Variants in LRRC72 observed in about 807,000 individuals in gnomAD.
LRRC72 encodes leucine rich repeat containing 72.
Under a neutral mutation model 35.8 loss-of-function variants are expected in LRRC72, and 41 were observed. That is an observed-to-expected ratio of 1.15 (90% CI 0.89 to 1.49). The LOEUF (loss-of-function observed/expected upper bound fraction) is 1.49. Among genes scored for constraint, LRRC72 ranks in the 40% most tolerant of loss-of-function variants. The pLI, the probability that LRRC72 is intolerant of heterozygous loss-of-function variation, is 0.00. For missense variants in LRRC72, 389 were observed against 330.7 expected, an observed-to-expected ratio of 1.18 and a Z score of -1.37; for synonymous variants, 118 against 119.2, an observed-to-expected ratio of 0.99 and a Z score of 0.07.
intron 7 of LRRC72, among the ~76,000 whole-genome samples, chr7:16,569,125 C>G (rs935566285): frequency 6.6e-6 from 1 of 152,120 alleles, no homozygotes; most frequent in African/African-American, 2.4e-5. Flanking sequence ...TGACGCTTTG[C>G]CTCTTTATTT....
chr7:16,581,338 A>G lies in LRRC72; in HGVS notation c.713A>G (p.Asp238Gly), dbSNP rs1356029909. Reference protein sequence around the residue: ...ANNVDKTVLDDPEDAVFVRSM... With the variant: ...ANNVDKTVLDGPEDAVFVRSM... ...TTTTTTTGCAGAACTGTGCTTGATG[A>G]CCCAGAAGATGCTGTTTTTGTGAGG... Residue 238 changes from aspartate to glycine, a missense_variant, in exon 9 of 9, where the codon GAC (aspartate) becomes GGC (glycine). Coordinates refer to ENST00000401542, the MANE Select transcript of LRRC72 (RefSeq NM_001195280.2). 1.3e-6 allele frequency: 2 copies of G among 1,520,184 alleles called. No homozygotes were observed. Among genetic ancestry groups the G allele is most frequent in the East Asian group, 5.0e-5 (2 of 40,086 alleles). The allele number at this position is 1,520,184 out of a possible 1,614,324, so 94.2% of individuals were successfully genotyped here.
At chr7:16,534,094 A>C (rs1309480514) in intron 2 of LRRC72, among the ~76,000 whole-genome samples, 2 of 152,228 alleles carry the variant, frequency 1.3e-5, no homozygotes, top group African/African-American at 4.8e-5. Context: ...AGCTGTGGAC[A>C]AAAACTATTT....
chr7:16,580,001 G>A (rs575178393), intron 7 of LRRC72, 73 bp from the exon 8 acceptor site: 19 of 327,370 alleles, frequency 5.8e-5, no homozygotes, highest in South Asian at 4.4e-4. Flanking sequence ...TTCCTTTATA[G>A]CATTGTTCCA....
intron 3 of LRRC72, 46 bp from the exon 4 acceptor site, chr7:16,557,314 T>C (rs938672667): frequency 1.2e-5 from 7 of 571,892 alleles, no homozygotes; most frequent in Non-Finnish European, 1.9e-5. Context: ...ATGTAATATA[T>C]ACAGTTATTA....
intron 5 of LRRC72, among the ~76,000 whole-genome samples, chr7:16,561,649 T>A (rs1782745642): frequency 6.6e-6 from 1 of 152,342 alleles, no homozygotes; most frequent in East Asian, 1.9e-4. Context: ...TTGAGAATCT[T>A]GTTGTGGGGT....
chr7:16,559,299 C>T (rs1043670611), intron 5 of LRRC72, among the ~76,000 whole-genome samples: 2 of 151,700 alleles, frequency 1.3e-5, no homozygotes, highest in African/African-American at 2.4e-5. Context: ...GAGGCTGAGG[C>T]GGGAGGATCA....
intron 3 of LRRC72, among the ~76,000 whole-genome samples, chr7:16,541,847 G>A (rs1782362755): frequency 6.6e-6 from 1 of 152,196 alleles, no homozygotes. Context: ...GGAGGTGGAG[G>A]TTGCAGTGAG....
At chr7:16,547,428 G>A (rs965432602) in intron 3 of LRRC72, among the ~76,000 whole-genome samples, 2 of 152,172 alleles carry the variant, frequency 1.3e-5, no homozygotes, top group African/African-American at 4.8e-5. Flanking sequence ...TGCAACCTGG[G>A]CACCCCTGTG....
chr7:16,559,719 C>G (rs1205069674), intron 5 of LRRC72, among the ~76,000 whole-genome samples: 1 of 151,026 alleles, frequency 6.6e-6, no homozygotes, highest in African/African-American at 2.4e-5. Flanking sequence ...GTTGTGACAG[C>G]TAGAGAGTAA....
intron 3 of LRRC72, among the ~76,000 whole-genome samples, chr7:16,556,515 TG>T (rs1200831334): frequency 1.3e-5 from 2 of 152,214 alleles, no homozygotes; most frequent in Non-Finnish European, 2.9e-5. Flanking sequence ...AGATGGTGAC[TG>T]GTTGAGCTGT....
chr7:16,560,308 G>A (rs553129084), intron 5 of LRRC72, among the ~76,000 whole-genome samples: 2 of 152,306 alleles, frequency 1.3e-5, no homozygotes, highest in South Asian at 4.1e-4. Context: ...AATGTACAGA[G>A]AGTTACTAAG....
chr7:16,559,136 G>A (rs1363432475), intron 5 of LRRC72, 137 bp downstream of exon 5: 12 of 513,118 alleles, frequency 2.3e-5, no homozygotes, highest in African/African-American at 3.9e-5. Flanking sequence ...ACTCACGCCT[G>A]TAATCTCAGT....
At chr7:16,553,006 T>C (rs1782582444) in intron 3 of LRRC72, among the ~76,000 whole-genome samples, 1 of 152,236 alleles carries the variant, frequency 6.6e-6, no homozygotes, top group Non-Finnish European at 1.5e-5. Flanking sequence ...AATGAGTTTA[T>C]AGTAAAGATT....
chr7:16,537,499 T>G (rs997606871), intron 2 of LRRC72, 128 bp from the exon 3 acceptor site: 11 of 480,806 alleles, frequency 2.3e-5, no homozygotes, highest in African/African-American at 2.2e-4. Context: ...CAGGTGAGTG[T>G]GCCAATAATT....
chr7:16,578,670 G>A (rs1264905230), intron 7 of LRRC72, among the ~76,000 whole-genome samples: 1 of 152,078 alleles, frequency 6.6e-6, no homozygotes, highest in African/African-American at 2.4e-5. Context: ...TTTTAATAGT[G>A]ATACTTAATA....
intron 7 of LRRC72, among the ~76,000 whole-genome samples, chr7:16,573,482 G>C (rs568443205): frequency 4.6e-5 from 7 of 152,162 alleles, no homozygotes; most frequent in Admixed American, 4.6e-4. Flanking sequence ...CAGAACAGAG[G>C]CCTCAGAAAT....
At chr7:16,577,840 A>G (rs995160357) in intron 7 of LRRC72, among the ~76,000 whole-genome samples, 3 of 152,204 alleles carry the variant, frequency 2.0e-5, no homozygotes, top group Non-Finnish European at 2.9e-5. Flanking sequence ...ATGAGATACC[A>G]TTTTCATCCA....
At chr7:16,546,829 C>T (rs1469764851) in intron 3 of LRRC72, among the ~76,000 whole-genome samples, 1 of 152,162 alleles carries the variant, frequency 6.6e-6, no homozygotes, top group Admixed American at 6.5e-5. Context: ...TCAAACATTG[C>T]ATCCTCCACA....
chr7:16,528,848 A>G (rs1782116394), intron 1 of LRRC72, among the ~76,000 whole-genome samples: 1 of 152,170 alleles, frequency 6.6e-6, no homozygotes, highest in South Asian at 2.1e-4. Flanking sequence ...CAGGGTACCA[A>G]CAAAGCAAGA....
Sources: gnomAD v4.1 joint callset for allele counts (sites outside exome capture counted in the v4.1 genomes callset) on GRCh38, gnomAD v4.1.1 for gene constraint, MANE v1.5 for transcripts, NCBI Gene and HGNC (gene_info 2026-07-23, HGNC 2026-07-21) for gene names.